SNTB1: variants seen among roughly 807,000 people sequenced by gnomAD.
SNTB1 encodes syntrophin beta 1, also known as beta-1-syntrophin.
A neutral mutation model predicts 48.9 loss-of-function variants in SNTB1; 36 were observed. The observed-to-expected ratio is 0.74, with a 90% CI of 0.56 to 0.97. The LOEUF (loss-of-function observed/expected upper bound fraction) is 0.97. Ranked by LOEUF, SNTB1 falls within the 50% of genes least tolerant of loss-of-function variation. The pLI, the probability that SNTB1 is intolerant of heterozygous loss-of-function variation, is 0.00. For synonymous variants in SNTB1, 299 were observed against 294.6 expected, an observed-to-expected ratio of 1.01 and a Z score of -0.15; for missense variants, 786 against 703.4, an observed-to-expected ratio of 1.12 and a Z score of -1.33.
rs28630073 is a variant in SNTB1 at position 120,735,077 on chromosome 8, T to G, written c.572-41169A>C. Among the ~76,000 whole-genome samples, 924 of 152,312 alleles carry G rather than the reference T, an allele frequency of 6.1e-3. 9 individuals are homozygous for G. The highest frequency in any genetic ancestry group is 0.021 in the African/African-American group (871 of 41,558). On this transcript the variant is annotated intron_variant, in intron 1 of 6. Transcript: ENST00000517992. ...ATACAAGTCTGTACATTTTGTGTCT[T>G]ATGAAAAGTGTCATTGCTCTGGTGC...
intron 1 of SNTB1, among the ~76,000 whole-genome samples, chr8:120,753,677 T>G (rs887603611): frequency 6.6e-6 from 1 of 152,104 alleles, no homozygotes; most frequent in Non-Finnish European, 1.5e-5. Context: ...GCAGATAAGA[T>G]CAGAGAAGCA....
chr8:120,811,585 A>C lies in SNTB1; in HGVS notation c.259T>G (p.Ser87Ala). 1 of 1,567,418 alleles carries C rather than the reference A, an allele frequency of 6.4e-7. No individual in the cohort carries two copies. Among genetic ancestry groups the C allele is most frequent in the South Asian group, 1.2e-5 (1 of 86,450 alleles). ...PGAGGAQPPD[S>A]PAGVRTAFTD... is the part of the protein sequence containing the mutation. ...AAAGCGGTGCGGACCCCGGCGGGCG[A>C]GTCCGGGGGCTGCGCGCCGCCCGCG... Residue 87 changes from serine (S) to alanine (A), a missense_variant, in exon 1 of 7, where the codon TCG (serine) becomes GCG (alanine). By Grantham distance (99) the Ser-to-Ala change is moderately conservative. Transcript: ENST00000517992.
At chr8:120,733,482 A>G (rs900438258) in intron 1 of SNTB1, among the ~76,000 whole-genome samples, 2 of 152,268 alleles carry the variant, frequency 1.3e-5, no homozygotes, top group Non-Finnish European at 1.5e-5. Flanking sequence ...CCAAACTCCA[A>G]TTAAGCCAAC....
At chr8:120,653,713 G>A (rs1485183286) in intron 2 of SNTB1, among the ~76,000 whole-genome samples, 1 of 152,102 alleles carries the variant, frequency 6.6e-6, no homozygotes, top group Non-Finnish European at 1.5e-5. Context: ...GTGGAATCAT[G>A]TGTCCATTTT....
intron 3 of SNTB1, among the ~76,000 whole-genome samples, chr8:120,596,272 A>C (rs1376116659): frequency 2.0e-5 from 3 of 151,528 alleles, no homozygotes; most frequent in Non-Finnish European, 4.4e-5. Context: ...TAAACCAAAA[A>C]TCTATCATGA....
chr8:120,734,483 C>A (rs149578157), intron 1 of SNTB1, among the ~76,000 whole-genome samples: 2 of 151,502 alleles, frequency 1.3e-5, no homozygotes, highest in African/African-American at 4.9e-5. Flanking sequence ...AAAATTGTCA[C>A]GAAAGCTAAC....
At chr8:120,607,391 CTT>C (rs923036286) in intron 3 of SNTB1, among the ~76,000 whole-genome samples, 3 of 150,928 alleles carry the variant, frequency 2.0e-5, no homozygotes, top group African/African-American at 7.3e-5. Flanking sequence ...TTTTTCTTTT[CTT>C]TTTTGTGTCT....
At chr8:120,546,984 G>A (rs1212377511) in intron 5 of SNTB1, among the ~76,000 whole-genome samples, 1 of 152,128 alleles carries the variant, frequency 6.6e-6, no homozygotes, top group African/African-American at 2.4e-5. Flanking sequence ...AAACTACAGT[G>A]GACAAAGAGT....
chr8:120,765,306 A>G (rs1587143403), intron 1 of SNTB1, among the ~76,000 whole-genome samples: 2 of 152,312 alleles, frequency 1.3e-5, no homozygotes, highest in South Asian at 2.1e-4. Context: ...GGATGGTATA[A>G]GAGATAAGTA....
chr8:120,641,690 A>C (rs1403845704), intron 2 of SNTB1, among the ~76,000 whole-genome samples: 1 of 152,188 alleles, frequency 6.6e-6, no homozygotes, highest in East Asian at 1.9e-4. Flanking sequence ...GTAGGTGTCC[A>C]CCTCAACTGT....
chr8:120,782,490 A>C lies in SNTB1; in HGVS notation c.571+28783T>G, dbSNP rs56672642. ...CATTTATTGGTTAGAGATTTCCTGCACATTTACCTATTTTTAAAAACTCTA... is the reference window on the plus strand; with the variant it reads ...CATTTATTGGTTAGAGATTTCCTGCCCATTTACCTATTTTTAAAAACTCTA... On this transcript the variant is annotated intron_variant, in intron 1 of 6. Transcript: ENST00000517992. Among the ~76,000 whole-genome samples the C allele has an allele frequency of 4.0e-3, 613 of 152,310 alleles. 4 individuals are homozygous for C. The highest frequency in any genetic ancestry group is 0.014 in the African/African-American group (584 of 41,568).
chr8:120,710,129 C>T (rs1818439931), intron 1 of SNTB1, among the ~76,000 whole-genome samples: 1 of 152,170 alleles, frequency 6.6e-6, no homozygotes, highest in South Asian at 2.1e-4. Flanking sequence ...AAAAGGCAGA[C>T]ATCAAAGCTC....
chr8:120,785,993 A>C (rs1490661238), intron 1 of SNTB1, among the ~76,000 whole-genome samples: 1 of 152,214 alleles, frequency 6.6e-6, no homozygotes, highest in Non-Finnish European at 1.5e-5. Flanking sequence ...GAAATTTGAG[A>C]AAGCCAACAC....
intron 3 of SNTB1, among the ~76,000 whole-genome samples, chr8:120,619,656 C>T (rs1816763790): frequency 6.6e-6 from 1 of 152,156 alleles, no homozygotes; most frequent in African/African-American, 2.4e-5. Flanking sequence ...TTTTACTCTA[C>T]CATTTACGGT....
chr8:120,751,467 A>C (rs1819212732), intron 1 of SNTB1, among the ~76,000 whole-genome samples: 1 of 148,100 alleles, frequency 6.8e-6, no homozygotes, highest in South Asian at 2.1e-4. Flanking sequence ...TTAAATCTTA[A>C]AGGATACTTT....
chr8:120,614,940 A>G (rs1816687838), intron 3 of SNTB1, among the ~76,000 whole-genome samples: 1 of 145,022 alleles, frequency 6.9e-6, no homozygotes, highest in Non-Finnish European at 1.5e-5. Flanking sequence ...GGAGATTGAA[A>G]CCATCCTGGC....
chr8:120,642,675 G>A (rs1817216528), intron 2 of SNTB1, among the ~76,000 whole-genome samples: 1 of 152,298 alleles, frequency 6.6e-6, no homozygotes, highest in Non-Finnish European at 1.5e-5. Flanking sequence ...CACTTTGGGA[G>A]GCTGAAGTGG....
chr8:120,582,958 C>T (rs1816073892), intron 3 of SNTB1, among the ~76,000 whole-genome samples: 1 of 152,070 alleles, frequency 6.6e-6, no homozygotes, highest in African/African-American at 2.4e-5. Context: ...CAGGGGACAT[C>T]ACTACATAGT....
intron 2 of SNTB1, among the ~76,000 whole-genome samples, chr8:120,639,492 T>C (rs1411406393): frequency 6.6e-6 from 1 of 152,218 alleles, no homozygotes; most frequent in African/African-American, 2.4e-5. Flanking sequence ...GGTTTTCTTC[T>C]AGGGTTTTTA....
Sources: gnomAD v4.1 joint callset for allele counts (sites outside exome capture counted in the v4.1 genomes callset) on GRCh38, gnomAD v4.1.1 for gene constraint, MANE v1.5 for transcripts, NCBI Gene and HGNC (gene_info 2026-07-23, HGNC 2026-07-21) for gene names.